Variants in MYO16 observed in about 807,000 individuals in gnomAD.
The protein encoded by MYO16 is myosin XVI.
MYO16 carries 94 observed loss-of-function variants against 205.3 expected under a neutral mutation model. The ratio of observed to expected loss-of-function variants is 0.46; its 90% CI spans 0.39 to 0.54. The LOEUF (loss-of-function observed/expected upper bound fraction) is 0.54. MYO16 is among the 20% of genes least tolerant of loss of function. The probability of loss-of-function intolerance (pLI) is 0.00; values close to 1 mark genes in which losing one functional copy is unlikely to be tolerated. For missense variants in MYO16, 2,315 were observed against 2,387.5 expected (o/e 0.97, Z 0.63); for synonymous variants, 988 against 954.0 (o/e 1.04, Z -0.66).
intron 33 of MYO16, among the ~76,000 whole-genome samples, chr13:109,177,110 C>T (rs972553147): frequency 6.6e-6 from 1 of 152,110 alleles, no homozygotes; most frequent in African/African-American, 2.4e-5. Flanking sequence ...CGACTTTGTT[C>T]GCCCTCCACA....
At chr13:109,067,787 G>T (rs913180264) in intron 27 of MYO16, among the ~76,000 whole-genome samples, 1 of 152,106 alleles carries the variant, frequency 6.6e-6, no homozygotes, top group East Asian at 1.9e-4. Context: ...CGTTCGTGGC[G>T]TAAGGCAGCT....
At chr13:108,529,862 C>T in the MYO16 span, among the ~76,000 whole-genome samples, 10 of 152,162 alleles carry the variant, frequency 6.6e-5, no homozygotes, top group African/African-American at 2.2e-4. Context: ...TCTGGTAACC[C>T]ACTTGGGTGC....
intron 10 of MYO16, among the ~76,000 whole-genome samples, chr13:108,854,134 C>T (rs978747643): frequency 6.6e-6 from 1 of 152,026 alleles, no homozygotes; most frequent in African/African-American, 2.4e-5. Context: ...GCTGAGATTA[C>T]AGGCATGTGC....
chr13:108,999,072 A>G (rs1332668467), intron 21 of MYO16, among the ~76,000 whole-genome samples: 1 of 152,154 alleles, frequency 6.6e-6, no homozygotes, highest in East Asian at 1.9e-4. Flanking sequence ...TTTTAATTGG[A>G]CATCATGGGA....
At chr13:108,946,515 T>C (rs1162078177) in intron 16 of MYO16, among the ~76,000 whole-genome samples, 1 of 152,226 alleles carries the variant, frequency 6.6e-6, no homozygotes, top group Non-Finnish European at 1.5e-5. Flanking sequence ...GTAAACCTTC[T>C]GTACACCCAA....
At chr13:108,582,100 G>A in the MYO16 span, among the ~76,000 whole-genome samples, 10 of 152,114 alleles carry the variant, frequency 6.6e-5, no homozygotes, top group Admixed American at 2.0e-4. Context: ...GAAATATGAA[G>A]AAAAGATTTT....
At chr13:108,534,831 C>T in the MYO16 span, among the ~76,000 whole-genome samples, 3 of 149,424 alleles carry the variant, frequency 2.0e-5, no homozygotes, top group African/African-American at 7.5e-5. Context: ...TCTTCTTCCT[C>T]TTCTTCTTCT....
intron 32 of MYO16, among the ~76,000 whole-genome samples, chr13:109,159,071 A>G (rs926249178): frequency 2.6e-5 from 4 of 152,224 alleles, no homozygotes; most frequent in African/African-American, 4.8e-5. Context: ...ATTTTAAAAA[A>G]CTATGTATGG....
At chr13:109,077,089 G>A (rs369693626) in intron 27 of MYO16, among the ~76,000 whole-genome samples, 2 of 150,360 alleles carry the variant, frequency 1.3e-5, no homozygotes, top group African/African-American at 4.9e-5. Flanking sequence ...GCACAATCTC[G>A]GCTCACTGCA....
the MYO16 span, among the ~76,000 whole-genome samples, chr13:108,571,339 AC>A: frequency 6.6e-6 from 1 of 151,934 alleles, no homozygotes; most frequent in Non-Finnish European, 1.5e-5. Flanking sequence ...AGATTTGTGA[AC>A]CTTTGAGAAT....
intron 1 of MYO16, among the ~76,000 whole-genome samples, chr13:108,613,130 C>A (rs756629293): frequency 6.6e-6 from 1 of 151,914 alleles, no homozygotes; most frequent in East Asian, 1.9e-4. Context: ...AAATTGGGCA[C>A]GTTGTCTTAA....
chr13:109,077,975 T>C (rs1157896379), intron 27 of MYO16, among the ~76,000 whole-genome samples: 1 of 152,198 alleles, frequency 6.6e-6, no homozygotes, highest in African/African-American at 2.4e-5. Flanking sequence ...GTCTTTTTTC[T>C]CTATGTTCAT....
chr13:109,151,552 C>T (rs1474277287), intron 32 of MYO16, among the ~76,000 whole-genome samples: 1 of 152,122 alleles, frequency 6.6e-6, no homozygotes, highest in Non-Finnish European at 1.5e-5. Context: ...TACCTGAAGT[C>T]CTAAAAGCCC....
At chr13:109,118,061 G>A (rs963811261) in intron 28 of MYO16, among the ~76,000 whole-genome samples, 1 of 152,154 alleles carries the variant, frequency 6.6e-6, no homozygotes, top group East Asian at 1.9e-4. Context: ...TAGTTTCTCT[G>A]TCTCACACCC....
At chr13:108,644,362 G>GTCTATCTA (rs68036528) in intron 1 of MYO16, among the ~76,000 whole-genome samples, 20 of 148,116 alleles carry the variant, frequency 1.4e-4, no homozygotes, top group Non-Finnish European at 1.9e-4. Flanking sequence ...CTGTCTGTCT[G>GTCTATCTA]TCTATCTATC....
At chr13:109,035,360 G>A (rs1886684177) in intron 23 of MYO16, among the ~76,000 whole-genome samples, 1 of 152,130 alleles carries the variant, frequency 6.6e-6, no homozygotes, top group Non-Finnish European at 1.5e-5. Flanking sequence ...TCTAATGGCT[G>A]TTCTCAGAAG....
At chr13:108,698,046 C>T (rs1345462453) in intron 2 of MYO16, among the ~76,000 whole-genome samples, 1 of 152,156 alleles carries the variant, frequency 6.6e-6, no homozygotes, top group Admixed American at 6.5e-5. Flanking sequence ...TCTCCCTCTG[C>T]CTTCATTCCT....
chr13:109,199,196 A>G (rs1167530937), intron 34 of MYO16, among the ~76,000 whole-genome samples: 6 of 6,576 alleles, frequency 9.1e-4, no homozygotes, highest in Admixed American at 6.7e-3. Flanking sequence ...AAAAAGGTAT[A>G]TATATATATA....
At position 109,207,325 on chromosome 13, in the gene MYO16, G is replaced by A. The variant is rs1566563827; in HGVS notation, c.*489G>A. 1 of 152,204 alleles carries A rather than the reference G, an allele frequency of 6.6e-6. No homozygotes were observed. Among genetic ancestry groups the A allele is most frequent in the East Asian group, 1.9e-4 (1 of 5,178 alleles). 9.4% of individuals were successfully genotyped at this position (152,204 alleles called of 1,614,324 possible). ...TTATAAACCTGATAATTATTTACAT[G>A]TTTATTACTGTAATTTTATAAATTT... On this transcript the variant is annotated 3_prime_UTR_variant, in exon 35 of 35. Coordinates refer to ENST00000457511, the MANE Select transcript of MYO16 (RefSeq NM_001198950.3).
Sources: allele counts gnomAD v4.1 joint callset (sites outside exome capture counted in the v4.1 genomes callset), GRCh38; gene constraint gnomAD v4.1.1; transcripts MANE v1.5; gene names NCBI Gene and HGNC (gene_info 2026-07-23, HGNC 2026-07-21).